FAM135B: variants seen among roughly 807,000 people sequenced by gnomAD.
FAM135B encodes the protein family with sequence similarity 135 member B.
FAM135B carries 43 observed loss-of-function variants against 127.7 expected under a neutral mutation model. The observed-to-expected ratio is 0.34, with a 90% confidence interval of 0.26 to 0.43. FAM135B has a LOEUF of 0.43. Ranked by LOEUF, FAM135B falls within the 20% of genes least tolerant of loss-of-function variation. The pLI, the probability that FAM135B is intolerant of heterozygous loss-of-function variation, is 1.00. For missense variants in FAM135B, 1,558 were observed against 1,725.6 expected, an observed-to-expected ratio of 0.90 and a Z score of 1.72; for synonymous variants, 670 against 665.1, an observed-to-expected ratio of 1.01 and a Z score of -0.11.
chr8:138,228,169 C>T (rs7017596), intron 7 of FAM135B, among the ~76,000 whole-genome samples: 151,347 of 152,258 alleles, frequency 0.99, 75,225 homozygotes, highest in Middle Eastern at 1. Context: ...TTTGGACCTA[C>T]GTGTTTGACT....
intron 11 of FAM135B, among the ~76,000 whole-genome samples, chr8:138,171,751 C>T (rs911602357): frequency 2.6e-5 from 4 of 152,118 alleles, no homozygotes; most frequent in Non-Finnish European, 1.5e-5. Context: ...CAAGAAGGGC[C>T]ACAGCCTCAT....
In FAM135B at chr8:138,141,354, G is replaced by T; in HGVS notation, c.3639-5C>A. 1 of 1,614,070 alleles carries T rather than the reference G, an allele frequency of 6.2e-7. No individual in the cohort carries two copies. The highest frequency in any genetic ancestry group is 8.5e-7 in the Non-Finnish European group (1 of 1,179,972). ...CCAAGAGAATGGCCAATGAAGCTGT[G>T]GAGAAACAGAAGGGGTACCCATGAG... On this transcript the variant is annotated splice_polypyrimidine_tract_variant and splice_region_variant and intron_variant, in intron 16 of 19. Coordinates refer to ENST00000395297, the MANE Select transcript of FAM135B (RefSeq NM_015912.4). The surrounding 1 kb of genome is among the most constrained non-coding windows in gnomAD (Gnocchi z 4.7).
chr8:138,162,454 G>C (rs965708008), intron 12 of FAM135B, among the ~76,000 whole-genome samples: 1 of 152,134 alleles, frequency 6.6e-6, no homozygotes, highest in Non-Finnish European at 1.5e-5. Flanking sequence ...GGAACTTTGG[G>C]TGATAATGAC....
At chr8:138,259,364 A>C (rs1237411645) in intron 4 of FAM135B, among the ~76,000 whole-genome samples, 1 of 152,196 alleles carries the variant, frequency 6.6e-6, no homozygotes, top group African/African-American at 2.4e-5. Flanking sequence ...CTATCATTTC[A>C]TATCTATGAG....
intron 7 of FAM135B, among the ~76,000 whole-genome samples, chr8:138,221,971 A>G (rs535815489): frequency 2.6e-5 from 4 of 152,358 alleles, no homozygotes; most frequent in East Asian, 1.9e-4. Flanking sequence ...AAATACATGT[A>G]AAGAGAAAAA....
intron 3 of FAM135B, among the ~76,000 whole-genome samples, chr8:138,300,632 C>G (rs898458989): frequency 3.3e-5 from 5 of 151,902 alleles, no homozygotes; most frequent in African/African-American, 4.8e-5. Flanking sequence ...TTAGTATCAA[C>G]CTATTAGCTA....
chr8:138,267,679 T>G (rs1823045244), intron 3 of FAM135B, among the ~76,000 whole-genome samples: 1 of 152,032 alleles, frequency 6.6e-6, no homozygotes, highest in South Asian at 2.1e-4. Context: ...AGGATCACAG[T>G]CACCTCCCAA....
intron 3 of FAM135B, among the ~76,000 whole-genome samples, chr8:138,273,006 G>T (rs1388697585): frequency 6.6e-6 from 1 of 152,156 alleles, no homozygotes; most frequent in African/African-American, 2.4e-5. Flanking sequence ...GGTTTTGAGG[G>T]TTTTACGAGA....
Position 138,132,498 on chromosome 8 carries a change from C to G in FAM135B, c.*95G>C. On this transcript the variant is annotated 3_prime_UTR_variant, in exon 20 of 20. Coordinates refer to ENST00000395297, the MANE Select transcript of FAM135B (RefSeq NM_015912.4). The surrounding 1 kb of genome is among the most constrained non-coding windows in gnomAD (Gnocchi z 4.5). ...CCTCCGTCCCCCAATGCTGTTGAAG[C>G]TTCATTCTGAAATGGTGAGGTCTGT... The G allele has an allele frequency of 9.5e-7, 1 of 1,054,978 alleles. No homozygotes were observed. Among genetic ancestry groups the G allele is most frequent in the South Asian group, 1.4e-5 (1 of 72,630 alleles). 65.4% of individuals were successfully genotyped at this position (1,054,978 alleles called of 1,614,324 possible).
intron 11 of FAM135B, among the ~76,000 whole-genome samples, chr8:138,176,174 T>C (rs1162274875): frequency 6.6e-6 from 1 of 152,242 alleles, no homozygotes; most frequent in Non-Finnish European, 1.5e-5. Flanking sequence ...GGGGTCAGTG[T>C]TGCAAAGCTC....
At chr8:138,338,548 A>T (rs1288398321) in intron 2 of FAM135B, among the ~76,000 whole-genome samples, 2 of 151,708 alleles carry the variant, frequency 1.3e-5, no homozygotes, top group East Asian at 1.9e-4. Context: ...TGCAAATCAA[A>T]ACCACAATGA....
At chr8:138,434,645 T>C (rs1049415918) in intron 1 of FAM135B, among the ~76,000 whole-genome samples, 1 of 152,188 alleles carries the variant, frequency 6.6e-6, no homozygotes, top group Non-Finnish European at 1.5e-5. Flanking sequence ...TCTTTGGAGA[T>C]GACATTCAAA....
intron 7 of FAM135B, among the ~76,000 whole-genome samples, chr8:138,236,738 G>A (rs1820304806): frequency 6.6e-6 from 1 of 152,236 alleles, no homozygotes; most frequent in African/African-American, 2.4e-5. Context: ...GTTCAAAAAT[G>A]TGATTCGAAA....
chr8:138,180,528 C>A (rs904088965), intron 9 of FAM135B, among the ~76,000 whole-genome samples: 1 of 152,100 alleles, frequency 6.6e-6, no homozygotes, highest in Non-Finnish European at 1.5e-5. Context: ...ATGAGGAGAT[C>A]CAAGTCCAAT....
intron 3 of FAM135B, among the ~76,000 whole-genome samples, chr8:138,280,811 T>C (rs569031496): frequency 3.9e-5 from 6 of 152,016 alleles, no homozygotes; most frequent in Non-Finnish European, 8.8e-5. Flanking sequence ...AAGCAGTGTC[T>C]CCCCAAGGGA....
chr8:138,134,273 TAAC>T (rs1816446038), intron 19 of FAM135B, among the ~76,000 whole-genome samples: 1 of 152,164 alleles, frequency 6.6e-6, no homozygotes, highest in Non-Finnish European at 1.5e-5. Flanking sequence ...TATTATGTAA[TAAC>T]AAGAATAATG....
At position 138,152,549 on chromosome 8, in the gene FAM135B, A is replaced by G. The variant is rs1464965151; in HGVS notation, c.1926T>C (p.Asp642=). Residue 642 remains aspartate, a synonymous_variant, in exon 13 of 20, where the codon GAT becomes GAC. Transcript: ENST00000395297. ...GCTCCCTCAGGGTAGAACTTAGTGG[A>G]TCACAGGGCTCAGAGGGGGTGAGTT... is the stretch of plus-strand genomic sequence containing the variant. ...SLKLTPSEPC[D]PLSSTLREPL... 1 of 1,614,142 alleles carries G rather than the reference A, an allele frequency of 6.2e-7. No individual in the cohort carries two copies. Among genetic ancestry groups the G allele is most frequent in the Admixed American group, 1.7e-5 (1 of 60,014 alleles).
chr8:138,256,963 G>A (rs1356286307), intron 4 of FAM135B, among the ~76,000 whole-genome samples: 1 of 152,200 alleles, frequency 6.6e-6, no homozygotes, highest in Non-Finnish European at 1.5e-5. Context: ...AAGAAAAATA[G>A]AAGGGATATA....
chr8:138,354,802 A>G (rs1449599657), intron 2 of FAM135B, among the ~76,000 whole-genome samples: 1 of 152,168 alleles, frequency 6.6e-6, no homozygotes, highest in Non-Finnish European at 1.5e-5. Flanking sequence ...CATGGGAGAA[A>G]CATCACACAT....
Sources: gnomAD v4.1 joint callset for allele counts (sites outside exome capture counted in the v4.1 genomes callset) on GRCh38, gnomAD v4.1.1 for gene constraint, Gnocchi (gnomAD v3.1) non-coding constraint, MANE v1.5 for transcripts, NCBI Gene and HGNC (gene_info 2026-07-23, HGNC 2026-07-21) for gene names.